Variants in BACH2 observed in about 807,000 individuals in gnomAD.
BACH2 encodes the protein BACH transcriptional regulator 2, also known as transcription regulator protein BACH2.
A neutral mutation model predicts 61.8 loss-of-function variants in BACH2; 5 were observed. The ratio of observed to expected loss-of-function variants is 0.08; its 90% CI spans 0.04 to 0.17. The LOEUF is 0.17. Among genes scored for constraint, BACH2 ranks in the 10% least tolerant of loss-of-function variants. BACH2 has a pLI of 1.00. For synonymous variants in BACH2, 446 were observed against 440.1 expected (o/e 1.01, Z -0.17); for missense variants, 824 against 1,091.1 (o/e 0.76, Z 3.45).
Position 89,951,361 on chromosome 6 carries a change from T to C in BACH2, c.745A>G (p.Ser249Gly), listed in dbSNP as rs749899920. ...AATGTGCTTGCAAAACCTGAGGTAC[T>C]GTGTGATGATGCATTATAGACATTC... ...TKNVYNASSH[S>G]TSGFASTFRE... is the part of the protein sequence containing the mutation. Residue 249 changes from serine (S) to glycine (G), a missense_variant, in exon 7 of 9, where the codon AGT becomes GGT. Physicochemically the swap from Ser to Gly is moderately conservative, Grantham distance 56. Coordinates refer to ENST00000257749, the MANE Select transcript of BACH2 (RefSeq NM_021813.4). This position sits in a 1 kb window ranked among gnomAD's most constrained non-coding sequence, Gnocchi z 6.4. 1.9e-6 allele frequency: 3 copies of C among 1,614,248 alleles called. No individual in the cohort carries two copies. The highest frequency in any genetic ancestry group is 2.2e-5 in the South Asian group (2 of 91,090).
At chr6:90,029,882 T>A (rs1310261190) in intron 5 of BACH2, among the ~76,000 whole-genome samples, 2 of 152,174 alleles carry the variant, frequency 1.3e-5, no homozygotes, top group African/African-American at 2.4e-5. Context: ...ACTAATGATA[T>A]AACCTCCAAG....
chr6:90,185,923 A>C (rs1768340585), intron 4 of BACH2, among the ~76,000 whole-genome samples: 1 of 152,220 alleles, frequency 6.6e-6, no homozygotes, highest in African/African-American at 2.4e-5. Context: ...TCTGGCAGCC[A>C]GTTTAGTGTT....
At chr6:90,252,433 A>G (rs961162452) in intron 3 of BACH2, 80 bp downstream of exon 3, 5 of 152,212 alleles carry the variant, frequency 3.3e-5, no homozygotes, top group African/African-American at 1.2e-4. Flanking sequence ...TAGATCTTCT[A>G]AAGTATATGA....
intron 1 of BACH2, among the ~76,000 whole-genome samples, chr6:90,278,767 TC>T (rs1163629347): frequency 6.6e-6 from 1 of 152,206 alleles, no homozygotes; most frequent in Non-Finnish European, 1.5e-5. Context: ...TCTAAAACTC[TC>T]TGTTAAGCTC....
intron 5 of BACH2, among the ~76,000 whole-genome samples, chr6:90,042,204 T>G (rs1163684984): frequency 6.6e-6 from 1 of 152,150 alleles, no homozygotes; most frequent in Non-Finnish European, 1.5e-5. Context: ...TTTATTTTTA[T>G]TTTTTTGAGA....
intron 5 of BACH2, among the ~76,000 whole-genome samples, chr6:90,085,962 A>G (rs1781915667): frequency 6.6e-6 from 1 of 152,034 alleles, no homozygotes; most frequent in Non-Finnish European, 1.5e-5. Context: ...CTGATACTTA[A>G]TATCCATTGA....
chr6:89,993,865 A>G lies in BACH2; in HGVS notation c.243+14737T>C, dbSNP rs545148244. Among the ~76,000 whole-genome samples the G allele has an allele frequency of 2.0e-5, 3 of 152,008 alleles. No individual in the cohort carries two copies. In the East Asian group the frequency reaches 5.8e-4, roughly 29 times the overall value. On this transcript the variant is annotated intron_variant, in intron 6 of 8. Transcript: ENST00000257749. ...TTGAATAAACTGGCTCAGAAGGTAA[A>G]TGTCTTCTTTTTTATAAAACCCAGT...
intron 5 of BACH2, among the ~76,000 whole-genome samples, chr6:90,061,860 G>A (rs1780702479): frequency 6.6e-6 from 1 of 152,218 alleles, no homozygotes; most frequent in African/African-American, 2.4e-5. Context: ...CAGTTCTGGT[G>A]AAGCAGTGGT....
chr6:90,092,595 T>C (rs775379464), intron 4 of BACH2, among the ~76,000 whole-genome samples: 16 of 152,084 alleles, frequency 1.1e-4, no homozygotes, highest in Non-Finnish European at 2.2e-4. Flanking sequence ...AGAATTTTTT[T>C]TGCAGATTAT....
chr6:89,988,263 T>C (rs931207830), intron 6 of BACH2, among the ~76,000 whole-genome samples: 27 of 152,194 alleles, frequency 1.8e-4, no homozygotes, highest in Admixed American at 6.5e-5. Context: ...TTTCATCACA[T>C]TTATACAGCA....
chr6:90,070,012 T>C (rs1049986359), intron 5 of BACH2, among the ~76,000 whole-genome samples: 6 of 152,174 alleles, frequency 3.9e-5, no homozygotes, highest in Admixed American at 2.0e-4. Flanking sequence ...GGAATGAGGC[T>C]GACAACACGA....
At chr6:90,215,777 A>T (rs527708326) in intron 3 of BACH2, among the ~76,000 whole-genome samples, 1 of 152,108 alleles carries the variant, frequency 6.6e-6, no homozygotes, top group African/African-American at 2.4e-5. Flanking sequence ...TCACTAACTC[A>T]TCCTCATTAC....
At chr6:89,987,776 T>C (rs1386404499) in intron 6 of BACH2, among the ~76,000 whole-genome samples, 3 of 152,128 alleles carry the variant, frequency 2.0e-5, no homozygotes, top group Admixed American at 2.0e-4. Flanking sequence ...AATTCCAAAT[T>C]GGATGGGGCC....
At position 89,940,000 on chromosome 6, in the gene BACH2, C is replaced by T. The variant is rs1773321292; in HGVS notation, c.1837-1650G>A. Reference sequence around the variant, plus strand: ...TACAGGTGGGAGCCACTATTCCTGGCCTGAAATATTTCTTTTCTTTTTTCT... The same window carrying T: ...TACAGGTGGGAGCCACTATTCCTGGTCTGAAATATTTCTTTTCTTTTTTCT... On this transcript the variant is annotated intron_variant, in intron 7 of 8. Transcript: ENST00000257749. 2.6e-5 allele frequency among the ~76,000 whole-genome samples: 4 copies of T among 151,706 alleles called. No individual in the cohort carries two copies. In the South Asian group the frequency reaches 8.4e-4, roughly 32 times the overall value.
At chr6:90,290,359 C>T (rs142097182) in intron 1 of BACH2, among the ~76,000 whole-genome samples, 28 of 152,342 alleles carry the variant, frequency 1.8e-4, no homozygotes, top group Admixed American at 5.2e-4. Context: ...TACCAGATGA[C>T]GTGCTTCATG....
intron 4 of BACH2, among the ~76,000 whole-genome samples, chr6:90,092,596 T>C (rs1340568403): frequency 6.6e-6 from 1 of 152,082 alleles, no homozygotes; most frequent in Non-Finnish European, 1.5e-5. Context: ...GAATTTTTTT[T>C]GCAGATTATA....
At position 90,296,448 on chromosome 6, in the gene BACH2, GCGGGGCCCGGGGCC is replaced by G. The variant is rs887907610; in HGVS notation, c.-446+18_-446+31del. The G allele has an allele frequency of 1.2e-4, 18 of 150,910 alleles. No individual in the cohort carries two copies. The highest frequency in any genetic ancestry group is 2.2e-4 in the African/African-American group (9 of 41,346). The allele number at this position is 150,910 out of a possible 1,614,324, so 9.3% of individuals were successfully genotyped here. On this transcript the variant is annotated intron_variant, in intron 1 of 8. Transcript: ENST00000257749. ...ACTTGCCCCGCCACCCCGCCCAGCG[GCGGGGCCCGGGGCC>G]CGGGGCCCGGGACTCACCTCGCCGG...
chr6:89,951,268 G>T lies in BACH2; in HGVS notation c.838C>A (p.Pro280Thr), dbSNP rs371070363. ...CTCTCTTCCTCATTCTCTTCACTGGGCGGCTCACTTTTAATCTGCCCCCTG... is the reference window on the plus strand; with the variant it reads ...CTCTCTTCCTCATTCTCTTCACTGGTCGGCTCACTTTTAATCTGCCCCCTG... ...LARGQIKSEP[P>T]SEENEEESIT... Residue 280 changes from proline (P) to threonine (T), a missense_variant, in exon 7 of 9, where the codon CCC becomes ACC. Physicochemically the swap from Pro to Thr is conservative, Grantham distance 38. This residue lies in a region of BACH2 where 226 missense variants were observed against 228.5 expected (regional missense o/e 0.99). Coordinates refer to ENST00000257749, the MANE Select transcript of BACH2 (RefSeq NM_021813.4). This position sits in a 1 kb window ranked among gnomAD's most constrained non-coding sequence, Gnocchi z 6.4. 8.1e-6 allele frequency: 13 copies of T among 1,614,046 alleles called. No individual in the cohort carries two copies. The highest frequency in any genetic ancestry group is 1.1e-5 in the Non-Finnish European group (13 of 1,180,040).
rs144950478 is a variant in BACH2, at chr6:89,947,863, G to A, written c.1836+2407C>T. ...TGGCATTACAGGTGTGAGCCACCGC[G>A]CCCAGCCATGGATTCCTTTTTTAAA... On this transcript the variant is annotated intron_variant, in intron 7 of 8. Coordinates refer to ENST00000257749, the MANE Select transcript of BACH2 (RefSeq NM_021813.4). Among the ~76,000 whole-genome samples the A allele has an allele frequency of 2.6e-3, 392 of 152,154 alleles. 3 individuals carry two copies. The highest frequency in any genetic ancestry group is 8.6e-3 in the African/African-American group (358 of 41,496).
Sources: gnomAD v4.1 joint callset for allele counts (sites outside exome capture counted in the v4.1 genomes callset) on GRCh38, gnomAD v4.1.1 for gene constraint, gnomAD v4.1.1 regional missense constraint, Gnocchi (gnomAD v3.1) non-coding constraint, MANE v1.5 for transcripts, NCBI Gene and HGNC (gene_info 2026-07-23, HGNC 2026-07-21) for gene names.